Variants in USP22 observed in about 807,000 individuals in gnomAD.
USP22 encodes ubiquitin carboxyl-terminal hydrolase 22.
A neutral mutation model predicts 68.1 loss-of-function variants in USP22; 22 were observed. The ratio of observed to expected loss-of-function variants is 0.32; its 90% CI spans 0.23 to 0.46. The LOEUF (loss-of-function observed/expected upper bound fraction) is 0.46, where lower values mean the gene tolerates loss of function less well. Among genes scored for constraint, USP22 ranks in the 20% least tolerant of loss-of-function variants. USP22 has a pLI of 1.00. For missense variants in USP22, 433 were observed against 695.8 expected (o/e 0.62, Z 4.25); for synonymous variants, 279 against 274.2 (o/e 1.02, Z -0.17).
At chr17:21,040,887 C>CCT (rs1555531208) in intron 1 of USP22, among the ~76,000 whole-genome samples, 31 of 142,892 alleles carry the variant, frequency 2.2e-4, no homozygotes, top group Middle Eastern at 3.6e-3. Context: ...CCAGGCCACC[C>CCT]TTTTTTTTTT....
intron 2 of USP22, among the ~76,000 whole-genome samples, chr17:21,027,216 A>T (rs1268435263): frequency 7.0e-6 from 1 of 143,138 alleles, no homozygotes; most frequent in Non-Finnish European, 1.5e-5. Flanking sequence ...TGAGCCCAGG[A>T]GGTCAAGGCC....
intron 10 of USP22, among the ~76,000 whole-genome samples, chr17:21,006,021 C>A (rs957385329): frequency 2.6e-5 from 4 of 152,138 alleles, no homozygotes; most frequent in African/African-American, 9.7e-5. Flanking sequence ...ACACGTGGAA[C>A]CACCAGCAGC....
intron 1 of USP22, among the ~76,000 whole-genome samples, chr17:21,032,196 A>G (rs910581162): frequency 2.0e-5 from 3 of 152,374 alleles, no homozygotes; most frequent in Middle Eastern, 6.8e-3. Context: ...AACAGGCTCC[A>G]TCTCACACAG....
At chr17:21,025,040 A>G (rs1972203390) in intron 2 of USP22, among the ~76,000 whole-genome samples, 1 of 152,220 alleles carries the variant, frequency 6.6e-6, no homozygotes. Context: ...GACACTATCA[A>G]GAAACTAAAA....
chr17:21,030,212 G>A (rs993112753), intron 1 of USP22, among the ~76,000 whole-genome samples: 14 of 152,136 alleles, frequency 9.2e-5, no homozygotes, highest in African/African-American at 3.4e-4. Context: ...ATACAAAGTA[G>A]ATGCTATGCA....
intron 1 of USP22, among the ~76,000 whole-genome samples, chr17:21,032,922 C>CAAAAAAAAAAAAAAAAAAA (rs753804890): frequency 1.1e-5 from 1 of 91,574 alleles, no homozygotes; most frequent in African/African-American, 5.8e-5. Flanking sequence ...GACCCTGTCT[C>CAAAAAAAAAAAAAAAAAAA]AAAAAAAAAA....
intron 1 of USP22, among the ~76,000 whole-genome samples, chr17:21,038,076 TATAAA>T (rs1438466634): frequency 1.3e-5 from 2 of 152,334 alleles, no homozygotes; most frequent in East Asian, 3.9e-4. Context: ...TCCAGTTCAC[TATAAA>T]ATAAAAAGTA....
chr17:21,027,328 G>A (rs1972235147), intron 2 of USP22, among the ~76,000 whole-genome samples: 1 of 117,798 alleles, frequency 8.5e-6, no homozygotes, highest in Non-Finnish European at 1.9e-5. Context: ...CACTATCTGT[G>A]TCGTCAGCCT....
chr17:21,002,881 C>T lies in USP22; in HGVS notation c.*150G>A. On this transcript the variant is annotated 3_prime_UTR_variant, in exon 13 of 13. Transcript: ENST00000261497. The stretch of plus-strand genomic sequence containing the variant: ...TGGTCCATCCCGACCCGATGGGTCC[C>T]AGGTGCAGAGGGGCCACATCTGCAT... 2 of 935,178 alleles carry T rather than the reference C, an allele frequency of 2.1e-6. No individual in the cohort carries two copies. Among genetic ancestry groups the T allele is most frequent in the Non-Finnish European group, 3.4e-6 (2 of 593,330 alleles). The allele number at this position is 935,178 out of a possible 1,614,324, so 57.9% of individuals were successfully genotyped here. A position where few individuals can be genotyped will look rare whatever the true frequency, so the allele number is the denominator to read the frequency against.
intron 7 of USP22, among the ~76,000 whole-genome samples, chr17:21,012,466 C>G (rs1006080723): frequency 6.6e-6 from 1 of 152,082 alleles, no homozygotes; most frequent in Non-Finnish European, 1.5e-5. Context: ...CTTCGAAGCA[C>G]GTAGAAAAAC....
chr17:21,021,991 T>G (rs1355085965), intron 2 of USP22, among the ~76,000 whole-genome samples: 1 of 152,026 alleles, frequency 6.6e-6, no homozygotes, highest in Non-Finnish European at 1.5e-5. Context: ...CCCCAGCTAT[T>G]CGGGGAGCTG....
At chr17:21,020,244 C>CAAAAAAAAAAAACAAAAA (rs1972136519) in intron 3 of USP22, among the ~76,000 whole-genome samples, 3 of 73,256 alleles carry the variant, frequency 4.1e-5, no homozygotes, top group South Asian at 5.4e-4. Context: ...AATCAAAAAC[C>CAAAAAAAAAAAACAAAAA]AAAAAAAAAA....
rs1567591618 is a variant in USP22 at position 21,028,565 on chromosome 17, G to A, written c.281C>T (p.Ala94Val). Residue 94 changes from alanine to valine, a missense_variant, in exon 2 of 13, where the codon GCG becomes GTG. Ala to Val is a moderately conservative substitution (Grantham distance 64). This residue lies in a region of USP22 where 144 missense variants were observed against 237.2 expected (regional missense o/e 0.61). Coordinates refer to ENST00000261497, the MANE Select transcript of USP22 (RefSeq NM_015276.2). The stretch of plus-strand genomic sequence containing the variant: ...ACCCAGGTTGTGCCGCTTCGCCTTC[G>A]CATGCTCGTGAATATGCTTCTTTGT... ...CFTKKHIHEH[A>V]KAKRHNLAID... 1.2e-5 allele frequency: 20 copies of A among 1,613,784 alleles called. No individual in the cohort carries two copies. The highest frequency in any genetic ancestry group is 1.6e-5 in the Non-Finnish European group (19 of 1,179,952).
intron 2 of USP22, among the ~76,000 whole-genome samples, chr17:21,021,473 T>C (rs1025566892): frequency 6.6e-6 from 1 of 152,158 alleles, no homozygotes; most frequent in Non-Finnish European, 1.5e-5. Context: ...CATACATACT[T>C]TTCAAAGCAG....
intron 4 of USP22, among the ~76,000 whole-genome samples, chr17:21,018,854 G>A (rs1972120357): frequency 6.6e-6 from 1 of 152,148 alleles, no homozygotes; most frequent in South Asian, 2.1e-4. Flanking sequence ...CCACACAGAC[G>A]CTGAAGGCTG....
rs140258217 is a variant in USP22, at chr17:21,015,911, C to A, written c.691-12G>T. ...TGTCCAGAGTAAAACTGCCAGAGGG[C>A]GGGGAAGGAAACCTTGTCAGGAATA... On this transcript the variant is annotated splice_polypyrimidine_tract_variant and intron_variant, in intron 5 of 12. Coordinates refer to ENST00000261497, the MANE Select transcript of USP22 (RefSeq NM_015276.2). 78 of 1,612,876 alleles carry A rather than the reference C, an allele frequency of 4.8e-5. No homozygotes were observed. The East Asian group carries it at 1.7e-3, about 35-fold the overall frequency.
intron 3 of USP22, among the ~76,000 whole-genome samples, chr17:21,019,463 TG>T (rs1284907368): frequency 6.6e-6 from 1 of 152,254 alleles, no homozygotes; most frequent in Non-Finnish European, 1.5e-5. Flanking sequence ...CCAAAACAGT[TG>T]TTTTTCAAAT....
intron 1 of USP22, among the ~76,000 whole-genome samples, 165 bp downstream of exon 1, chr17:21,042,500 G>A (rs1268187686): frequency 4.7e-5 from 7 of 148,674 alleles, no homozygotes; most frequent in Admixed American, 4.0e-4. Context: ...AAGGAAAGGA[G>A]GGGGAAGGGG....
chr17:21,011,512 T>A (rs975155916), intron 7 of USP22: 1 of 613,224 alleles, frequency 1.6e-6, no homozygotes, highest in Non-Finnish European at 2.8e-6. Context: ...GGGAGGGGTG[T>A]GTGTGAACTC....
Sources: allele counts gnomAD v4.1 joint callset (sites outside exome capture counted in the v4.1 genomes callset), GRCh38; gene constraint gnomAD v4.1.1; regional missense constraint gnomAD v4.1.1; transcripts MANE v1.5; gene names NCBI Gene and HGNC (gene_info 2026-07-23, HGNC 2026-07-21).